Variants in NTN1 observed in about 807,000 individuals in gnomAD.
The protein encoded by NTN1 is netrin-1.
NTN1 carries 11 observed loss-of-function variants against 54.2 expected under a neutral mutation model. The ratio of observed to expected loss-of-function variants is 0.20; its 90% CI spans 0.13 to 0.34. The LOEUF (loss-of-function observed/expected upper bound fraction) is 0.34. NTN1 is among the 10% of genes least tolerant of loss of function. NTN1 has a pLI of 1.00. For missense variants in NTN1, 740 were observed against 893.1 expected, an observed-to-expected ratio of 0.83 and a Z score of 2.18; for synonymous variants, 371 against 382.0, an observed-to-expected ratio of 0.97 and a Z score of 0.33.
At chr17:9,140,636 G>A (rs1032753387) in intron 2 of NTN1, among the ~76,000 whole-genome samples, 2 of 152,194 alleles carry the variant, frequency 1.3e-5, no homozygotes, top group Non-Finnish European at 2.9e-5. Context: ...TCCAACAGGA[G>A]TTGGCCACGC....
rs189220955 is a variant in NTN1 at position 9,076,596 on chromosome 17, G to C, written c.1018+53205G>C. ...TCTCTATGTTGCTCAGGCTGGACTT[G>C]AACTCCTGGGCTCAAGTGATCTTCT... On this transcript the variant is annotated intron_variant, in intron 2 of 6. Transcript: ENST00000173229. Among the ~76,000 whole-genome samples, 26 of 152,180 alleles carry C rather than the reference G, an allele frequency of 1.7e-4. No individual in the cohort carries two copies. The East Asian group carries it at 5.0e-3, about 30-fold the overall frequency.
chr17:9,059,423 C>T (rs758947149), intron 2 of NTN1, among the ~76,000 whole-genome samples: 2 of 152,152 alleles, frequency 1.3e-5, no homozygotes, highest in Non-Finnish European at 2.9e-5. Flanking sequence ...CCCACATGTC[C>T]GTGAACAAAT....
upstream of NTN1, among the ~76,000 whole-genome samples, chr17:9,019,228 G>A (rs549971482): frequency 5.8e-4 from 88 of 152,288 alleles, 1 homozygote; most frequent in Middle Eastern, 0.017. Context: ...GAGCATACAA[G>A]CAAAGATAAA....
chr17:9,193,094 A>G (rs1567734633), intron 5 of NTN1, among the ~76,000 whole-genome samples: 1 of 132,606 alleles, frequency 7.5e-6, no homozygotes, highest in Non-Finnish European at 1.6e-5. Context: ...AAAAAAAAAA[A>G]AGAAAAAGAA....
Position 9,162,992 on chromosome 17 carries a change from G to A in NTN1, c.1198G>A (p.Ala400Thr), listed in dbSNP as rs1257370869. The A allele has an allele frequency of 1.2e-6, 2 of 1,609,058 alleles. No individual in the cohort carries two copies. The highest frequency in any genetic ancestry group is 4.5e-5 in the East Asian group (2 of 44,640). Reference sequence around the variant, plus strand: ...GGGCAAGCCCATCACCCACCGGAAGGCCTGCAAAGGTGGGCTACACGTGGC... The same window carrying A: ...GGGCAAGCCCATCACCCACCGGAAGACCTGCAAAGGTGGGCTACACGTGGC... The part of the protein sequence containing the change: ...DMGKPITHRK[A>T]CKACDCHPVG... Residue 400 changes from alanine (A) to threonine (T), a missense_variant, in exon 3 of 7, where the codon GCC (alanine) becomes ACC (threonine). Ala to Thr is a moderately conservative substitution (Grantham distance 58). Coordinates refer to ENST00000173229, the MANE Select transcript of NTN1 (RefSeq NM_004822.3).
At chr17:9,054,371 A>G (rs2091971365) in intron 2 of NTN1, among the ~76,000 whole-genome samples, 1 of 152,240 alleles carries the variant, frequency 6.6e-6, no homozygotes, top group Non-Finnish European at 1.5e-5. Context: ...CCGCCTGCCC[A>G]GGTCGGCCCG....
intron 5 of NTN1, among the ~76,000 whole-genome samples, chr17:9,210,290 G>C (rs1370495203): frequency 6.6e-6 from 1 of 151,912 alleles, no homozygotes; most frequent in African/African-American, 2.4e-5. Flanking sequence ...CTTGTTCATG[G>C]GCTACCCCTC....
chr17:9,232,557 G>T (rs1480911599), intron 6 of NTN1, among the ~76,000 whole-genome samples: 1 of 152,164 alleles, frequency 6.6e-6, no homozygotes, highest in Non-Finnish European at 1.5e-5. Context: ...GAAACCTTCA[G>T]CCAGCTCTAC....
intron 2 of NTN1, among the ~76,000 whole-genome samples, chr17:9,063,128 C>T (rs572796194): frequency 6.0e-4 from 88 of 147,496 alleles, no homozygotes; most frequent in Non-Finnish European, 1.1e-3. Context: ...CGGAGTTTTG[C>T]TCTTGTTGCC....
chr17:9,015,483 C>A, the NTN1 span, among the ~76,000 whole-genome samples: 659 of 152,144 alleles, frequency 4.3e-3, 7 homozygotes, highest in African/African-American at 0.015. Context: ...ACAAAGGCAC[C>A]CCCGGCCACC....
intron 6 of NTN1, among the ~76,000 whole-genome samples, chr17:9,238,006 T>G (rs3744656): frequency 0.12 from 17,661 of 152,174 alleles, 1,209 homozygotes; most frequent in East Asian, 0.16. Flanking sequence ...TCCGCTTCCC[T>G]CACCCTGGAA....
rs754781978 is a variant in NTN1 at position 9,183,527 on chromosome 17, C to T, written c.1411+558C>T. ...CCGTGGTCACTGGCGGAAGTCACAG[C>T]GGTTTACACATCACATTCTAGCTGG... On this transcript the variant is annotated intron_variant, in intron 5 of 6. Coordinates refer to ENST00000173229, the MANE Select transcript of NTN1 (RefSeq NM_004822.3). 6.8e-5 allele frequency: 24 copies of T among 354,264 alleles called. 1 individual carries two copies. Among genetic ancestry groups the T allele is most frequent in the Admixed American group, 1.8e-4 (4 of 22,808 alleles). The allele number at this position is 354,264 out of a possible 1,614,324, so 21.9% of individuals were successfully genotyped here. A position where few individuals can be genotyped will look rare whatever the true frequency, so the allele number is the denominator to read the frequency against.
intron 2 of NTN1, among the ~76,000 whole-genome samples, chr17:9,156,986 A>G (rs1160041806): frequency 2.1e-5 from 3 of 144,854 alleles, no homozygotes; most frequent in African/African-American, 7.8e-5. Flanking sequence ...CCACCTATCA[A>G]CCCCATCCAT....
At chr17:9,113,459 A>C (rs1018700112) in intron 2 of NTN1, among the ~76,000 whole-genome samples, 16 of 152,160 alleles carry the variant, frequency 1.1e-4, no homozygotes, top group African/African-American at 3.9e-4. Flanking sequence ...TTATTTGCTG[A>C]CTATTCATGG....
chr17:9,237,817 C>T (rs911085389), intron 6 of NTN1, among the ~76,000 whole-genome samples: 1 of 152,152 alleles, frequency 6.6e-6, no homozygotes, highest in Non-Finnish European at 1.5e-5. Context: ...CAAATACACT[C>T]GGCCCAGCCA....
intron 2 of NTN1, among the ~76,000 whole-genome samples, chr17:9,059,299 C>G (rs1025174404): frequency 3.3e-5 from 5 of 152,146 alleles, no homozygotes; most frequent in Admixed American, 3.3e-4. Flanking sequence ...AATGCCTCTC[C>G]TAGGTATTTA....
chr17:9,113,470 C>T (rs537661793), intron 2 of NTN1, among the ~76,000 whole-genome samples: 1 of 152,260 alleles, frequency 6.6e-6, no homozygotes, highest in African/African-American at 2.4e-5. Context: ...CTATTCATGG[C>T]AGCTTGATAG....
Position 9,239,670 on chromosome 17 carries a change from A to G in NTN1, c.1517A>G (p.Lys506Arg). The change falls in exon 7 of 7, where the codon AAG becomes AGG. Residue 506 changes from lysine to arginine, a missense_variant. By Grantham distance (26) the Lys-to-Arg change is conservative. Transcript: ENST00000173229. This position sits in a 1 kb window ranked among gnomAD's most constrained non-coding sequence, Gnocchi z 5.2. Reference protein sequence around the residue: ...AVQIHILKADKAGDWWKFTVN... With the variant: ...AVQIHILKADRAGDWWKFTVN... ...CAGATCCACATCCTGAAGGCGGACA[A>G]GGCGGGGGACTGGTGGAAGTTCACG... 6.2e-7 allele frequency: 1 copy of G among 1,612,122 alleles called. No individual in the cohort carries two copies. The highest frequency in any genetic ancestry group is 8.5e-7 in the Non-Finnish European group (1 of 1,178,514).
chr17:9,025,777 T>G (rs1368904556), intron 2 of NTN1, among the ~76,000 whole-genome samples: 1 of 152,238 alleles, frequency 6.6e-6, no homozygotes, highest in East Asian at 1.9e-4. Flanking sequence ...TTGAGCTTTT[T>G]ATGAAAAGGC....
Sources: allele counts gnomAD v4.1 joint callset (sites outside exome capture counted in the v4.1 genomes callset), GRCh38; gene constraint gnomAD v4.1.1; non-coding constraint Gnocchi (gnomAD v3.1); transcripts MANE v1.5; gene names NCBI Gene and HGNC (gene_info 2026-07-23, HGNC 2026-07-21).